Variants in MYBBP1A observed in about 807,000 individuals in gnomAD.
MYBBP1A encodes the protein MYB binding protein 1a.
In MYBBP1A, 147 loss-of-function variants were observed where a neutral mutation model predicts 136.3. The observed-to-expected ratio is 1.08, with a 90% CI of 0.94 to 1.24. The LOEUF (loss-of-function observed/expected upper bound fraction) is 1.24. Among genes scored for constraint, MYBBP1A ranks in the 50% most tolerant of loss-of-function variants. MYBBP1A has a pLI of 0.00. For missense variants in MYBBP1A, 2,060 were observed against 1,727.4 expected (o/e 1.19, Z -3.41); for synonymous variants, 947 against 735.8 (o/e 1.29, Z -4.65).
chr17:4,554,174 C>G, intron 3 of MYBBP1A, 21 bp downstream of exon 3: 1 of 1,613,482 alleles, frequency 6.2e-7, no homozygotes. Context: ...GGGCTGCTGA[C>G]CTCCCTGGCC....
rs1407112571 is a variant in MYBBP1A, at chr17:4,540,868, C to T, written c.3298-384G>A. Among the ~76,000 whole-genome samples the T allele has an allele frequency of 1.3e-5, 2 of 150,930 alleles. 1 individual carries two copies. The highest frequency in any genetic ancestry group is 4.2e-4 in the South Asian group (2 of 4,794). On this transcript the variant is annotated intron_variant, in intron 24 of 25. Transcript: ENST00000254718. The stretch of plus-strand genomic sequence containing the variant: ...TCCTGAATGGGTTATTGTTGGAATC[C>T]GCCAGCTTCCGGGAGCCCTGCTCTC...
At chr17:4,544,389 G>A (rs1398653562) in intron 19 of MYBBP1A, 100 bp downstream of exon 19, 34 of 1,460,136 alleles carry the variant, frequency 2.3e-5, no homozygotes, top group Non-Finnish European at 3.0e-5. Flanking sequence ...CTGGAAGCTT[G>A]GCTCTCTCCT....
chr17:4,543,328 C>T, intron 19 of MYBBP1A, 163 bp from the exon 20 acceptor site: 1 of 954,256 alleles, frequency 1.0e-6, no homozygotes. Flanking sequence ...CTGCAGGCTG[C>T]CTGGAAGCTG....
chr17:4,552,456 G>T lies in MYBBP1A; in HGVS notation c.732C>A (p.Val244=), dbSNP rs140809263. ...TCCGCCCACCTCCATCACACCTGGG[G>T]ACATTCTCATCTGAGAATAGGTTCA... ...GSVNLFSDEN[V]PRLVNVLKMA... The change falls in exon 6 of 26, where the codon GTC becomes GTA. Residue 244 remains valine, a synonymous_variant. Transcript: ENST00000254718. The surrounding 1 kb of genome is among the most constrained non-coding windows in gnomAD (Gnocchi z 4.7). The T allele has an allele frequency of 1.2e-6, 2 of 1,612,836 alleles. No individual in the cohort carries two copies. The highest frequency in any genetic ancestry group is 1.7e-6 in the Non-Finnish European group (2 of 1,180,002).
Position 4,550,176 on chromosome 17 carries a change from GA to G in MYBBP1A, c.1200del (p.Pro401ArgfsTer48), listed in dbSNP as rs1907382808. 1 of 1,613,940 alleles carries G rather than the reference GA, an allele frequency of 6.2e-7. No individual in the cohort carries two copies. Among genetic ancestry groups the G allele is most frequent in the Non-Finnish European group, 8.5e-7 (1 of 1,180,042 alleles). On this transcript the variant is annotated frameshift_variant, in exon 9 of 26. Coordinates refer to ENST00000254718, the MANE Select transcript of MYBBP1A (RefSeq NM_014520.4). LOFTEE classifies it high-confidence loss of function. Reference protein sequence around the residue: ...TFWRVVRFLSPPALQGYVAWL... With the variant: ...TFWRVVRFLSXPALQGYVAWL... ...CAGGCCACATAGCCCTGCAGGGCCG[GA>G]GGGCTCAGGAACCGCACGACCCGCC...
chr17:4,545,061 G>A lies in MYBBP1A; in HGVS notation c.2275C>T (p.Gln759Ter). ...CCAGCCTGCAGCACGGTCATCAGCT[G>A]TTCCCGGAAGCCCTGATCCACGTCC... ...DGDVDQGFRE[Q>*]LMTVLQAGKA... is the part of the protein sequence containing the mutation. Residue 759 changes from glutamine to a stop codon, truncating the protein, a stop_gained, in exon 17 of 26, where the codon CAG becomes TAG. Coordinates refer to ENST00000254718, the MANE Select transcript of MYBBP1A (RefSeq NM_014520.4). LOFTEE classifies it high-confidence loss of function. 1.3e-6 allele frequency: 2 copies of A among 1,547,802 alleles called. No homozygotes were observed. The highest frequency in any genetic ancestry group is 8.7e-7 in the Non-Finnish European group (1 of 1,150,478).
In MYBBP1A at chr17:4,554,195, C is replaced by A; in HGVS notation, c.378G>T (p.Lys126Asn). 2 of 1,614,086 alleles carry A rather than the reference C, an allele frequency of 1.2e-6. No homozygotes were observed. Among genetic ancestry groups the A allele is most frequent in the Non-Finnish European group, 1.7e-6 (2 of 1,180,022 alleles). The change falls in exon 3 of 26, where the codon AAG becomes AAT. Residue 126 changes from lysine (K) to asparagine (N), a missense_variant and splice_region_variant. Lys to Asn is a moderately conservative substitution (Grantham distance 94). Coordinates refer to ENST00000254718, the MANE Select transcript of MYBBP1A (RefSeq NM_014520.4). The part of the protein sequence containing the change: ...QEKYDLHQVK[K>N]AMLRPALFAN... ...CTGACCTCCCTGGCCCCACTCTCAC[C>A]TTCTTCACCTGATGCAGGTCATATT...
chr17:4,548,581 G>C lies in MYBBP1A; in HGVS notation c.1499C>G (p.Pro500Arg), dbSNP rs182788968. The C allele has an allele frequency of 3.5e-4, 571 of 1,614,238 alleles. 1 individual carries two copies. Among genetic ancestry groups the C allele is most frequent in the Non-Finnish European group, 4.7e-4 (559 of 1,180,032 alleles). Residue 500 changes from proline to arginine, a missense_variant, in exon 11 of 26, where the codon CCG becomes CGG. Coordinates refer to ENST00000254718, the MANE Select transcript of MYBBP1A (RefSeq NM_014520.4). This position sits in a 1 kb window ranked among gnomAD's most constrained non-coding sequence, Gnocchi z 4.2. ...PTSQIPETKH[P>R]FSFPLENQAR... is the part of the protein sequence containing the mutation. The stretch of plus-strand genomic sequence containing the variant: ...CTGGTTTTCCAAAGGGAAGGAGAAC[G>C]GGTGCTTTGTCTCAGGGATCTGGGA...
chr17:4,547,931 C>T (rs1247811723), intron 13 of MYBBP1A, 27 bp downstream of exon 13: 2 of 1,448,618 alleles, frequency 1.4e-6, no homozygotes, highest in Admixed American at 2.7e-5. Context: ...CCCAGGCTCA[C>T]AGCCCCTCCC....
chr17:4,539,460 A>C lies in MYBBP1A; in HGVS notation c.3942T>G (p.Ser1314Arg). Residue 1314 changes from serine (S) to arginine (R), a missense_variant, in exon 26 of 26, where the codon AGT becomes AGG. Ser to Arg is a moderately radical substitution (Grantham distance 110). Coordinates refer to ENST00000254718, the MANE Select transcript of MYBBP1A (RefSeq NM_014520.4). ...LVIRSPSLLQSGAKKKAQVRK... is the reference protein window; with the variant it reads ...LVIRSPSLLQRGAKKKAQVRK... Reference sequence around the variant, plus strand: ...TCACCTGTGCTTTCTTCTTGGCCCCACTCTGAAGCAGGCTGGGACTCCTGA... The same window carrying C: ...TCACCTGTGCTTTCTTCTTGGCCCCCCTCTGAAGCAGGCTGGGACTCCTGA... 6.2e-7 allele frequency: 1 copy of C among 1,613,208 alleles called. No homozygotes were observed. Among genetic ancestry groups the C allele is most frequent in the Non-Finnish European group, 8.5e-7 (1 of 1,179,828 alleles).
intron 1 of MYBBP1A, 45 bp downstream of exon 1, chr17:4,555,082 T>C (rs1272365355): frequency 6.4e-7 from 1 of 1,566,162 alleles, no homozygotes; most frequent in East Asian, 2.4e-5. Flanking sequence ...CGCCGCTTCC[T>C]TGCCGGGATA....
In MYBBP1A at chr17:4,539,284, A is replaced by AACAGCCACCCTCCCC. The variant is rs1481659427; in HGVS notation, c.*116_*130dup. 1 of 1,492,992 alleles carries AACAGCCACCCTCCCC rather than the reference A, an allele frequency of 6.7e-7. No homozygotes were observed. The highest frequency in any genetic ancestry group is 8.8e-7 in the Non-Finnish European group (1 of 1,132,508). 92.5% of individuals were successfully genotyped at this position (1,492,992 alleles called of 1,614,324 possible). A position where few individuals can be genotyped will look rare whatever the true frequency, so the allele number is the denominator to read the frequency against. On this transcript the variant is annotated 3_prime_UTR_variant, in exon 26 of 26. Coordinates refer to ENST00000254718, the MANE Select transcript of MYBBP1A (RefSeq NM_014520.4). ...AGAGCAGGATGCCCGGGCAGGCGGC[A>AACAGCCACCCTCCCC]ACAGCCACCCTCCCCAGTGGCAGCG...
At chr17:4,555,007 C>A (rs1871348) in intron 1 of MYBBP1A, 51 bp from the exon 2 acceptor site, 1,268,693 of 1,603,702 alleles carry the variant, frequency 0.79, 503,160 homozygotes, top group Admixed American at 0.89. Flanking sequence ...AAGGTGCACG[C>A]CCCCGCGCAC....
At chr17:4,550,383 A>G in intron 8 of MYBBP1A, 30 bp from the exon 9 acceptor site, 5 of 1,587,432 alleles carry the variant, frequency 3.1e-6, no homozygotes, top group Non-Finnish European at 4.3e-6. Flanking sequence ...CGCTGAGCCC[A>G]CCAGCCCAGG....
intron 24 of MYBBP1A, 123 bp downstream of exon 24, chr17:4,541,340 G>T (rs12450708): frequency 4.6e-6 from 4 of 862,772 alleles, no homozygotes; most frequent in Non-Finnish European, 5.6e-6. Context: ...CCCAGGCACT[G>T]AGAAGTTTCC....
Position 4,548,031 on chromosome 17 carries a change from TC to T in MYBBP1A, c.1750del (p.Glu584ArgfsTer65). ...DRMLQTLKEL[E>X]AHSAEARAAA... is the part of the protein sequence containing the mutation. ...AGCCCTGGCCTCTGCGGAGTGGGCC[TC>T]CAGCTCCTTCAGAGTCTGCAGCATC... On this transcript the variant is annotated frameshift_variant, in exon 13 of 26. Transcript: ENST00000254718. LOFTEE classifies it high-confidence loss of function. The surrounding 1 kb of genome is among the most constrained non-coding windows in gnomAD (Gnocchi z 4.2). 6.4e-7 allele frequency: 1 copy of T among 1,556,916 alleles called. No homozygotes were observed. The highest frequency in any genetic ancestry group is 8.7e-7 in the Non-Finnish European group (1 of 1,151,048).
chr17:4,540,246 TGTGCGTGTGCAGC>T (rs1906267778), intron 25 of MYBBP1A, 89 bp downstream of exon 25: 5 of 1,398,362 alleles, frequency 3.6e-6, no homozygotes, highest in Middle Eastern at 1.9e-4. Flanking sequence ...GCGTGTGCAG[TGTGCGTGTGCAGC>T]AGCGTGTGTG....
rs901992089 is a variant in MYBBP1A at position 4,548,435 on chromosome 17, C to T, written c.1556+89G>A. 3.8e-5 allele frequency: 61 copies of T among 1,608,122 alleles called. No homozygotes were observed. Among genetic ancestry groups the T allele is most frequent in the Non-Finnish European group, 4.3e-5 (51 of 1,176,580 alleles). On this transcript the variant is annotated intron_variant, in intron 11 of 25. Transcript: ENST00000254718. The surrounding 1 kb of genome is among the most constrained non-coding windows in gnomAD (Gnocchi z 4.2). The stretch of plus-strand genomic sequence containing the variant: ...CTACTAGAACTCCGGGGGCCTCTGC[C>T]GTTGTTCCCAGCTTAGGGGACCTGG...
In MYBBP1A at chr17:4,548,121, C is replaced by A; in HGVS notation, c.1724+22G>T. 1 of 1,604,152 alleles carries A rather than the reference C, an allele frequency of 6.2e-7. No individual in the cohort carries two copies. The highest frequency in any genetic ancestry group is 1.1e-5 in the South Asian group (1 of 91,062). On this transcript the variant is annotated intron_variant, in intron 12 of 25. Transcript: ENST00000254718. This position sits in a 1 kb window ranked among gnomAD's most constrained non-coding sequence, Gnocchi z 4.2. ...TCAGACTGCAGCGTCCTGCCCACCC[C>A]CTGGAAATCCCACGTGCTCACCGGT...
Sources: gnomAD v4.1 joint callset for allele counts (sites outside exome capture counted in the v4.1 genomes callset) on GRCh38, gnomAD v4.1.1 for gene constraint, Gnocchi (gnomAD v3.1) non-coding constraint, MANE v1.5 for transcripts, NCBI Gene and HGNC (gene_info 2026-07-23, HGNC 2026-07-21) for gene names.